The following C5orf63 variants were observed in gnomAD, a reference collection of about 807,000 sequenced individuals.
The protein encoded by C5orf63 is chromosome 5 open reading frame 63.
In C5orf63, 18 loss-of-function variants were observed where a neutral mutation model predicts 13.3. The observed-to-expected ratio is 1.36, with a 90% CI of 0.94 to 2.01. The LOEUF (loss-of-function observed/expected upper bound fraction) is 2.01, where lower values mean the gene tolerates loss of function less well. Among genes scored for constraint, C5orf63 ranks in the 30% most tolerant of loss-of-function variants. The pLI is 0.00. For synonymous variants in C5orf63, 38 were observed against 44.7 expected, an observed-to-expected ratio of 0.85 and a Z score of 0.60; for missense variants, 118 against 127.7, an observed-to-expected ratio of 0.92 and a Z score of 0.36.
intron 2 of C5orf63, among the ~76,000 whole-genome samples, chr5:127,070,918 T>C (rs1412980050): frequency 6.6e-6 from 1 of 152,218 alleles, no homozygotes; most frequent in Non-Finnish European, 1.5e-5. Flanking sequence ...CACTCTTCCC[T>C]GCTCCAAGCT....
chr5:127,058,059 T>C (rs945101433), intron 3 of C5orf63, among the ~76,000 whole-genome samples: 21 of 152,264 alleles, frequency 1.4e-4, no homozygotes, highest in African/African-American at 4.6e-4. Context: ...TTTTTTCAAC[T>C]TTTATTTTAG....
chr5:127,046,322 T>C (rs1482159158), downstream of C5orf63: 1 of 152,222 alleles, frequency 6.6e-6, no homozygotes, highest in Non-Finnish European at 1.5e-5. Context: ...ATCCATGCTT[T>C]CTCTCTACTC....
intron 3 of C5orf63, among the ~76,000 whole-genome samples, chr5:127,052,871 T>C (rs913527529): frequency 5.3e-5 from 8 of 152,218 alleles, no homozygotes; most frequent in Non-Finnish European, 1.0e-4. Flanking sequence ...ATAGGCTCTG[T>C]GCATTTTTTT....
At chr5:127,058,749 C>T in intron 3 of C5orf63, 133 bp downstream of exon 3, 2 of 616,578 alleles carry the variant, frequency 3.2e-6, no homozygotes, top group Non-Finnish European at 5.7e-6. Context: ...TGAGTTGCTG[C>T]TGTTGTGCTG....
At chr5:127,050,447 T>C (rs1318467401), downstream of C5orf63, among the ~76,000 whole-genome samples, 1 of 152,054 alleles carries the variant, frequency 6.6e-6, no homozygotes, top group African/African-American at 2.4e-5. Flanking sequence ...GCTGGGACTA[T>C]AGGCATGTAC....
chr5:127,071,011 T>C (rs886720261), intron 2 of C5orf63, among the ~76,000 whole-genome samples: 1 of 152,334 alleles, frequency 6.6e-6, no homozygotes, highest in Middle Eastern at 3.4e-3. Flanking sequence ...TCTTGTTACA[T>C]TCTCAATGTT....
chr5:127,043,092 T>C (rs1035525986), downstream of C5orf63: 2 of 152,244 alleles, frequency 1.3e-5, no homozygotes, highest in Non-Finnish European at 2.9e-5. Context: ...TCTCACTTTG[T>C]GTACAGGTCA....
At chr5:127,052,048 C>CT (rs1486527143) in intron 4 of C5orf63, 101 bp from the exon 5 acceptor site, 9 of 986,660 alleles carry the variant, frequency 9.1e-6, no homozygotes, top group Non-Finnish European at 1.3e-5. Context: ...TGCCATTTTC[C>CT]TTATAGTTGT....
At chr5:127,045,618 T>A (rs1225437133) in exon 5 of C5orf63, 3 of 152,206 alleles carry the variant, frequency 2.0e-5, no homozygotes, top group Admixed American at 2.0e-4. Flanking sequence ...AGGACCTGGG[T>A]ATCTTTGGGG....
downstream of C5orf63, chr5:127,046,507 CTT>C (rs1213651290): frequency 6.6e-6 from 1 of 152,272 alleles, no homozygotes; most frequent in Non-Finnish European, 1.5e-5. Context: ...CCTGACTTCT[CTT>C]GAGTATGGTA....
downstream of C5orf63, chr5:127,047,927 AG>A: frequency 1.5e-6 from 1 of 675,168 alleles, no homozygotes; most frequent in Non-Finnish European, 2.7e-6. Context: ...TATGGGAGAA[AG>A]AAAAAGTGGA....
intron 2 of C5orf63, among the ~76,000 whole-genome samples, chr5:127,062,463 T>C (rs1385084391): frequency 6.6e-6 from 1 of 152,226 alleles, no homozygotes; most frequent in Non-Finnish European, 1.5e-5. Flanking sequence ...GGAAGCACTG[T>C]ATTATAAAAT....
downstream of C5orf63, among the ~76,000 whole-genome samples, chr5:127,049,279 C>A (rs532387980): frequency 6.6e-6 from 1 of 152,224 alleles, no homozygotes; most frequent in East Asian, 1.9e-4. Context: ...CCTTGCCAGT[C>A]TCATCTCCTT....
intron 2 of C5orf63, among the ~76,000 whole-genome samples, chr5:127,060,602 T>C (rs1754065992): frequency 6.6e-6 from 1 of 152,268 alleles, no homozygotes; most frequent in Non-Finnish European, 1.5e-5. Flanking sequence ...TTTGCTTTAC[T>C]GTATCTCTGC....
chr5:127,052,742 C>A (rs940340408), intron 3 of C5orf63, 73 bp from the exon 4 acceptor site: 6 of 1,182,996 alleles, frequency 5.1e-6, no homozygotes, highest in South Asian at 2.0e-5. Context: ...CAAAACAAAA[C>A]AAAAAACCCA....
At chr5:127,068,155 C>G (rs1754398862) in intron 2 of C5orf63, among the ~76,000 whole-genome samples, 1 of 152,084 alleles carries the variant, frequency 6.6e-6, no homozygotes, top group Non-Finnish European at 1.5e-5. Context: ...TTTAGAAACC[C>G]AAAGGAACTG....
At chr5:127,048,803 G>A (rs775704236), downstream of C5orf63, among the ~76,000 whole-genome samples, 95 of 152,250 alleles carry the variant, frequency 6.2e-4, no homozygotes, top group Non-Finnish European at 9.9e-4. Flanking sequence ...GAGAACAAAC[G>A]TCTCTAGGCT....
intron 2 of C5orf63, among the ~76,000 whole-genome samples, chr5:127,062,889 T>C (rs956841622): frequency 6.6e-6 from 1 of 152,146 alleles, no homozygotes. Flanking sequence ...GTGTCCTTAC[T>C]ACACACACAG....
chr5:127,059,744 GAAAA>G (rs1754028450), intron 2 of C5orf63, among the ~76,000 whole-genome samples: 2 of 134,534 alleles, frequency 1.5e-5, no homozygotes, highest in Admixed American at 1.4e-4. Flanking sequence ...AAAAAAAAAA[GAAAA>G]AGAAAAAGAA....
Sources: gnomAD v4.1 joint callset for allele counts (sites outside exome capture counted in the v4.1 genomes callset) on GRCh38, gnomAD v4.1.1 for gene constraint, MANE v1.5 for transcripts, NCBI Gene and HGNC (gene_info 2026-07-23, HGNC 2026-07-21) for gene names.